The following ADARB2 variants were observed in gnomAD, a reference collection of about 807,000 sequenced individuals.
The protein encoded by ADARB2 is inactive double-stranded RNA-specific editase B2.
A neutral mutation model predicts 62.2 loss-of-function variants in ADARB2; 25 were observed. That is an observed-to-expected ratio of 0.40 (90% CI 0.29 to 0.56). ADARB2 has a LOEUF of 0.56. Among genes scored for constraint, ADARB2 ranks in the 20% least tolerant of loss-of-function variants. ADARB2 has a pLI of 0.43. For synonymous variants in ADARB2, 572 were observed against 500.8 expected (o/e 1.14, Z -1.90); for missense variants, 1,071 against 1,077.4 (o/e 0.99, Z 0.08).
At chr10:1,735,618 C>A (rs1035446520) in intron 1 of ADARB2, among the ~76,000 whole-genome samples, 1 of 152,180 alleles carries the variant, frequency 6.6e-6, no homozygotes, top group Admixed American at 6.5e-5. Context: ...TTGGCATTAT[C>A]TTTGGAGGAC....
At chr10:1,564,596 C>G (rs1034780484) in intron 1 of ADARB2, among the ~76,000 whole-genome samples, 4 of 152,014 alleles carry the variant, frequency 2.6e-5, no homozygotes, top group African/African-American at 9.7e-5. Flanking sequence ...AAAAAGTGGG[C>G]AAAGGTCATG....
chr10:1,406,945 C>A (rs7087129), intron 1 of ADARB2, among the ~76,000 whole-genome samples: 1 of 152,058 alleles, frequency 6.6e-6, no homozygotes, highest in Admixed American at 6.5e-5. Flanking sequence ...CCATCCCCAT[C>A]CTCCCCAGAA....
chr10:1,267,434 A>G lies in ADARB2; in HGVS notation c.1192+3521T>C, dbSNP rs556706140. Among the ~76,000 whole-genome samples the G allele has an allele frequency of 5.3e-5, 8 of 152,324 alleles. No homozygotes were observed. The South Asian group carries it at 1.0e-3, about 20-fold the overall frequency. Reference sequence around the variant, plus strand: ...GGGAGACAAAGCAAGGAGGAAGACAATGATTCCGGAGATGGTGTCCCACTG... The same window carrying G: ...GGGAGACAAAGCAAGGAGGAAGACAGTGATTCCGGAGATGGTGTCCCACTG... On this transcript the variant is annotated intron_variant, in intron 4 of 9. Transcript: ENST00000381312.
intron 7 of ADARB2, among the ~76,000 whole-genome samples, chr10:1,205,019 G>A (rs1471081634): frequency 1.3e-5 from 2 of 152,150 alleles, no homozygotes; most frequent in East Asian, 1.9e-4. Flanking sequence ...AGCCTGAGGT[G>A]CTGGGATGAT....
intron 3 of ADARB2, among the ~76,000 whole-genome samples, chr10:1,317,274 A>G (rs557224484): frequency 6.6e-6 from 1 of 152,374 alleles, no homozygotes; most frequent in East Asian, 1.9e-4. Context: ...CGTATCTTCT[A>G]TACCTTGTAC....
intron 1 of ADARB2, among the ~76,000 whole-genome samples, chr10:1,458,400 T>G (rs2813424): frequency 6.6e-6 from 1 of 151,944 alleles, no homozygotes; most frequent in Non-Finnish European, 1.5e-5. Context: ...ATGAAACAAT[T>G]GAGGCTTTTC....
intron 1 of ADARB2, among the ~76,000 whole-genome samples, chr10:1,439,369 G>A (rs1381046285): frequency 5.8e-4 from 48 of 82,810 alleles, no homozygotes; most frequent in Middle Eastern, 0.019. Flanking sequence ...TCCTCAGCAG[G>A]TGGAGGCAGG....
chr10:1,199,593 C>T (rs796735712), intron 8 of ADARB2: 1 of 209,012 alleles, frequency 4.8e-6, no homozygotes, highest in East Asian at 1.0e-4. Flanking sequence ...CCACCTGGCT[C>T]TTCCTCAGCA....
intron 4 of ADARB2, among the ~76,000 whole-genome samples, chr10:1,270,749 G>A (rs1831253246): frequency 6.6e-6 from 1 of 152,192 alleles, no homozygotes; most frequent in South Asian, 2.1e-4. Context: ...CTGGGCCCCG[G>A]CAGCCTAATC....
In ADARB2 at chr10:1,200,098, G is replaced by T; in HGVS notation, c.1732C>A (p.Pro578Thr). 1 of 1,563,598 alleles carries T rather than the reference G, an allele frequency of 6.4e-7. No homozygotes were observed. Among genetic ancestry groups the T allele is most frequent in the Non-Finnish European group, 8.7e-7 (1 of 1,155,620 alleles). The change falls in exon 8 of 10, where the codon CCC (proline) becomes ACC (threonine). Residue 578 changes from proline to threonine, a missense_variant. Pro to Thr is a conservative substitution (Grantham distance 38). Transcript: ENST00000381312. The part of the protein sequence containing the change: ...QGALLSHFVE[P>T]VYLQSIVVGS... Reference sequence around the variant, plus strand: ...ACCACGATGCTCTGCAGGTACACGGGCTCCACGAAGTGGGACAGGAGCGCG... The same window carrying T: ...ACCACGATGCTCTGCAGGTACACGGTCTCCACGAAGTGGGACAGGAGCGCG...
chr10:1,699,069 C>T (rs960337225), intron 1 of ADARB2, among the ~76,000 whole-genome samples: 1 of 152,202 alleles, frequency 6.6e-6, no homozygotes, highest in Non-Finnish European at 1.5e-5. Context: ...CTGCAAATGA[C>T]TTTTTTTAAA....
chr10:1,492,352 ACCCCACTG>A (rs1306176643), intron 1 of ADARB2, among the ~76,000 whole-genome samples: 7 of 152,006 alleles, frequency 4.6e-5, no homozygotes, highest in Non-Finnish European at 7.4e-5. Flanking sequence ...TTAAGAGGAG[ACCCCACTG>A]CGGTAGAGTG....
chr10:1,339,379 T>C (rs1194372876), intron 3 of ADARB2, among the ~76,000 whole-genome samples: 1 of 152,252 alleles, frequency 6.6e-6, no homozygotes, highest in East Asian at 1.9e-4. Context: ...TCCTGCCAAC[T>C]GCACTTTTAG....
At chr10:1,680,533 C>A (rs959927057) in intron 1 of ADARB2, among the ~76,000 whole-genome samples, 2 of 152,132 alleles carry the variant, frequency 1.3e-5, no homozygotes, top group African/African-American at 4.8e-5. Context: ...TGTGTGTGGG[C>A]GCTTTTGGAA....
intron 1 of ADARB2, among the ~76,000 whole-genome samples, chr10:1,647,196 G>A (rs1315773905): frequency 6.6e-6 from 1 of 152,212 alleles, no homozygotes; most frequent in Non-Finnish European, 1.5e-5. Context: ...CTTTTTCCAG[G>A]AACGTTAGAA....
At chr10:1,300,069 C>T (rs1353368685) in intron 3 of ADARB2, among the ~76,000 whole-genome samples, 2 of 152,178 alleles carry the variant, frequency 1.3e-5, no homozygotes, top group East Asian at 1.9e-4. Context: ...TGTCTCATCT[C>T]GCAGGGATGA....
chr10:1,621,801 C>A (rs923140313), intron 1 of ADARB2, among the ~76,000 whole-genome samples: 8 of 152,196 alleles, frequency 5.3e-5, no homozygotes, highest in African/African-American at 1.7e-4. Context: ...CCCAAATTAT[C>A]CATGGATTCA....
At chr10:1,195,398 T>G (rs934332974) in intron 8 of ADARB2, among the ~76,000 whole-genome samples, 3 of 135,654 alleles carry the variant, frequency 2.2e-5, no homozygotes, top group Admixed American at 7.5e-5. Flanking sequence ...AGTTTTTTTT[T>G]TGTTTTTTTT....
intron 1 of ADARB2, among the ~76,000 whole-genome samples, chr10:1,387,781 A>G (rs866482843): frequency 6.6e-6 from 1 of 152,004 alleles, no homozygotes; most frequent in African/African-American, 2.4e-5. Context: ...GCCAAAACCA[A>G]TCAATGATGT....
Sources: allele counts gnomAD v4.1 joint callset (sites outside exome capture counted in the v4.1 genomes callset), GRCh38; gene constraint gnomAD v4.1.1; transcripts MANE v1.5; gene names NCBI Gene and HGNC (gene_info 2026-07-23, HGNC 2026-07-21).